TBC1D5: variants seen among roughly 807,000 people sequenced by gnomAD.
The protein encoded by TBC1D5 is TBC1 domain family member 5.
In TBC1D5, 75 loss-of-function variants were observed where a neutral mutation model predicts 100.3. The ratio of observed to expected loss-of-function variants is 0.75; its 90% CI spans 0.62 to 0.91. TBC1D5 has a LOEUF of 0.91. Ranked by LOEUF, TBC1D5 falls within the 40% of genes least tolerant of loss-of-function variation. The pLI, the probability that TBC1D5 is intolerant of heterozygous loss-of-function variation, is 0.00. For missense variants in TBC1D5, 910 were observed against 942.4 expected (o/e 0.97, Z 0.45); for synonymous variants, 323 against 325.6 (o/e 0.99, Z 0.09).
intron 1 of TBC1D5, among the ~76,000 whole-genome samples, chr3:17,706,439 A>G (rs372984197): frequency 0.015 from 1,932 of 125,800 alleles, 27 homozygotes; most frequent in African/African-American, 0.04. Flanking sequence ...ACACACACAC[A>G]CGCGCGCGCA....
intron 2 of TBC1D5, among the ~76,000 whole-genome samples, chr3:17,515,774 T>C (rs916149065): frequency 8.5e-5 from 13 of 152,164 alleles, no homozygotes; most frequent in African/African-American, 2.2e-4. Context: ...ACACATCTTG[T>C]ACAGATCACC....
At chr3:17,464,233 T>A (rs969536412) in intron 3 of TBC1D5, among the ~76,000 whole-genome samples, 1 of 152,154 alleles carries the variant, frequency 6.6e-6, no homozygotes. Context: ...GTGCTGGGAT[T>A]ACAGGCATGA....
intron 13 of TBC1D5, among the ~76,000 whole-genome samples, chr3:17,328,759 T>C (rs548801485): frequency 6.6e-6 from 1 of 152,212 alleles, no homozygotes; most frequent in Non-Finnish European, 1.5e-5. Context: ...AAATACTACA[T>C]ATAATCCATA....
At chr3:17,181,444 T>G (rs1456312327) in intron 19 of TBC1D5, among the ~76,000 whole-genome samples, 1 of 152,170 alleles carries the variant, frequency 6.6e-6, no homozygotes, top group Non-Finnish European at 1.5e-5. Flanking sequence ...TTCCTGATAC[T>G]AGGGTTTAAA....
At chr3:17,532,056 G>A (rs1344084752) in intron 2 of TBC1D5, among the ~76,000 whole-genome samples, 1 of 152,172 alleles carries the variant, frequency 6.6e-6, no homozygotes, top group Admixed American at 6.5e-5. Flanking sequence ...GGAACCTACA[G>A]AATGGGAGAA....
chr3:17,554,408 G>A (rs1370840389), intron 2 of TBC1D5, among the ~76,000 whole-genome samples: 1 of 152,150 alleles, frequency 6.6e-6, no homozygotes, highest in African/African-American at 2.4e-5. Context: ...AAGCTCTCCT[G>A]GGGTGAAGCT....
intron 2 of TBC1D5, among the ~76,000 whole-genome samples, chr3:17,516,662 A>G (rs912517119): frequency 6.6e-6 from 1 of 152,186 alleles, no homozygotes; most frequent in African/African-American, 2.4e-5. Flanking sequence ...AGTATTTTTC[A>G]TTCCTTTGTA....
intron 1 of TBC1D5, among the ~76,000 whole-genome samples, chr3:17,678,500 C>G (rs539625265): frequency 6.6e-6 from 1 of 151,998 alleles, no homozygotes; most frequent in South Asian, 2.1e-4. Flanking sequence ...TTTTGGAAAA[C>G]AGATGAATAA....
At chr3:17,652,437 G>A (rs2153722411) in intron 1 of TBC1D5, among the ~76,000 whole-genome samples, 1 of 152,194 alleles carries the variant, frequency 6.6e-6, no homozygotes, top group South Asian at 2.1e-4. Context: ...CTGTTGTTCA[G>A]GTATTTATTA....
At chr3:17,453,475 T>A (rs952281420) in intron 3 of TBC1D5, among the ~76,000 whole-genome samples, 5 of 152,108 alleles carry the variant, frequency 3.3e-5, no homozygotes, top group Non-Finnish European at 5.9e-5. Context: ...GAAAACACTA[T>A]AACAGATACC....
chr3:17,572,217 C>T, intron 2 of TBC1D5, among the ~76,000 whole-genome samples: 1 of 151,664 alleles, frequency 6.6e-6, no homozygotes, highest in Non-Finnish European at 1.5e-5. Context: ...ATCTCTTAAG[C>T]TTCTAATTCC....
chr3:17,471,192 A>G (rs2095368735), intron 3 of TBC1D5, among the ~76,000 whole-genome samples: 1 of 152,222 alleles, frequency 6.6e-6, no homozygotes, highest in Non-Finnish European at 1.5e-5. Context: ...ATCAGGAGAC[A>G]GGAAAACTGG....
intron 10 of TBC1D5, 134 bp downstream of exon 10, chr3:17,376,391 T>C (rs1214561134): frequency 2.7e-6 from 2 of 750,410 alleles, no homozygotes; most frequent in African/African-American, 3.5e-5. Context: ...ATTAACCACA[T>C]GAAACACAAT....
chr3:17,391,358 C>T (rs2093345692), intron 8 of TBC1D5, among the ~76,000 whole-genome samples: 1 of 152,000 alleles, frequency 6.6e-6, no homozygotes, highest in African/African-American at 2.4e-5. Context: ...AGCCATCAAA[C>T]GTTTGCAGCT....
intron 1 of TBC1D5, among the ~76,000 whole-genome samples, chr3:17,725,114 G>A (rs1020743303): frequency 3.9e-5 from 6 of 151,992 alleles, no homozygotes; most frequent in African/African-American, 1.4e-4. Flanking sequence ...TATTTCTGTC[G>A]TTTTTGCTGC....
intron 1 of TBC1D5, among the ~76,000 whole-genome samples, chr3:17,731,484 G>A (rs982081816): frequency 4.2e-4 from 55 of 131,852 alleles, no homozygotes; most frequent in Admixed American, 1.6e-3. Context: ...CCAGCCCGGC[G>A]ACAAAGCAAG....
intron 3 of TBC1D5, among the ~76,000 whole-genome samples, chr3:17,488,937 T>C (rs2095604018): frequency 6.7e-6 from 1 of 149,744 alleles, no homozygotes; most frequent in South Asian, 2.2e-4. Context: ...GGATCTAGGA[T>C]GCATGCTCTG....
At chr3:17,295,855 A>T (rs1030250364) in intron 14 of TBC1D5, among the ~76,000 whole-genome samples, 7 of 152,182 alleles carry the variant, frequency 4.6e-5, no homozygotes, top group Non-Finnish European at 8.8e-5. Context: ...ACATTTTATA[A>T]AGGTCTCATG....
chr3:17,508,619 A>C lies in TBC1D5; in HGVS notation c.-35-14T>G, dbSNP rs28553868. On this transcript the variant is annotated splice_polypyrimidine_tract_variant and intron_variant, in intron 2 of 21. Transcript: ENST00000253692. ...AAAAGTAACTACCTGGGAGGTGAAA[A>C]AATACAGAGAAAAATAATAAATTCT... The C allele has an allele frequency of 8.1e-7, 1 of 1,240,030 alleles. No individual in the cohort carries two copies. Among genetic ancestry groups the C allele is most frequent in the South Asian group, 1.2e-5 (1 of 82,414 alleles). 76.8% of individuals were successfully genotyped at this position (1,240,030 alleles called of 1,614,324 possible).
Sources: allele counts gnomAD v4.1 joint callset (sites outside exome capture counted in the v4.1 genomes callset), GRCh38; gene constraint gnomAD v4.1.1; transcripts MANE v1.5; gene names NCBI Gene and HGNC (gene_info 2026-07-23, HGNC 2026-07-21).